Variants in PRKD1 observed in about 807,000 individuals in gnomAD.
PRKD1 encodes the protein protein kinase D1.
A neutral mutation model predicts 95.9 loss-of-function variants in PRKD1; 63 were observed. That is an observed-to-expected ratio of 0.66 (90% CI 0.54 to 0.81). PRKD1 has a LOEUF of 0.81. Ranked by LOEUF, PRKD1 falls within the 30% of genes least tolerant of loss-of-function variation. The pLI is 0.00. For missense variants in PRKD1, 1,048 were observed against 1,165.3 expected (o/e 0.90, Z 1.47); for synonymous variants, 425 against 423.1 (o/e 1.00, Z -0.05).
At chr14:29,690,479 A>C (rs993998300) in intron 2 of PRKD1, among the ~76,000 whole-genome samples, 2 of 152,220 alleles carry the variant, frequency 1.3e-5, no homozygotes, top group Non-Finnish European at 1.5e-5. Context: ...TTCAGTACCT[A>C]AAACTCCTAC....
At position 29,768,709 on chromosome 14, in the gene PRKD1, TA is replaced by T. The variant is rs558238071; in HGVS notation, c.265-43036del. Among the ~76,000 whole-genome samples, 227 of 142,204 alleles carry T rather than the reference TA, an allele frequency of 1.6e-3. 1 individual carries two copies. The highest frequency in any genetic ancestry group is 7.2e-3 in the Middle Eastern group (2 of 278). 93.3% of individuals were successfully genotyped at this position (142,204 alleles called of 152,430 possible). The stretch of plus-strand genomic sequence containing the variant: ...CTACCTCTGGTTCTTTCTCCCTGAT[TA>T]AAAAAAAAAAAACAACCAAAGCAAA... On this transcript the variant is annotated intron_variant, in intron 1 of 17. Coordinates refer to ENST00000331968, the MANE Select transcript of PRKD1 (RefSeq NM_002742.3).
In PRKD1 at chr14:29,638,835, G is replaced by A. The variant is rs1286280237; in HGVS notation, c.766C>T (p.Pro256Ser). 6.2e-7 allele frequency: 1 copy of A among 1,608,896 alleles called. No homozygotes were observed. The highest frequency in any genetic ancestry group is 8.5e-7 in the Non-Finnish European group (1 of 1,177,004). The change falls in exon 5 of 18, where the codon CCA becomes TCA. Residue 256 changes from proline to serine, a missense_variant. Around this residue, in one of 3 missense-constraint regions of PRKD1, gnomAD observed 739 missense variants for 861.9 expected, o/e 0.86. Transcript: ENST00000331968. ...ATCAAAATCTTGTCAAGGTGAATTG[G>A]TCGTCCAATGTATGATTGAGAATTT... Reference protein sequence around the residue: ...RSNSQSYIGRPIHLDKILMSK... With the variant: ...RSNSQSYIGRSIHLDKILMSK...
chr14:29,845,201 T>C (rs550975959), intron 1 of PRKD1, among the ~76,000 whole-genome samples: 28 of 152,362 alleles, frequency 1.8e-4, no homozygotes, highest in African/African-American at 6.5e-4. Context: ...GTTGAAGGTA[T>C]GTCAAGTTGT....
chr14:29,617,148 G>C (rs1435741687), intron 13 of PRKD1, among the ~76,000 whole-genome samples: 1 of 152,134 alleles, frequency 6.6e-6, no homozygotes, highest in Non-Finnish European at 1.5e-5. Flanking sequence ...TTTTATGGCT[G>C]TATAGTATTC....
chr14:29,666,314 C>T (rs1452372000), intron 2 of PRKD1, 106 bp from the exon 3 acceptor site: 2 of 1,206,670 alleles, frequency 1.7e-6, no homozygotes, highest in Non-Finnish European at 2.2e-6. Context: ...ACTCCCTAGG[C>T]AAAGTTAGGG....
intron 1 of PRKD1, among the ~76,000 whole-genome samples, chr14:29,863,659 A>G (rs1027761099): frequency 2.6e-5 from 4 of 152,176 alleles, no homozygotes; most frequent in Non-Finnish European, 5.9e-5. Flanking sequence ...AGAAAAATAA[A>G]TAAAGATATA....
At chr14:29,784,238 A>T (rs994010152) in intron 1 of PRKD1, among the ~76,000 whole-genome samples, 2 of 151,762 alleles carry the variant, frequency 1.3e-5, no homozygotes, top group Non-Finnish European at 3.0e-5. Flanking sequence ...TCCTTTCCCC[A>T]GTATATGCTC....
intron 2 of PRKD1, among the ~76,000 whole-genome samples, chr14:29,696,329 T>C (rs67922287): frequency 0.069 from 10,505 of 152,238 alleles, 922 homozygotes; most frequent in African/African-American, 0.2. Context: ...TAAAATGCTA[T>C]TTAGTATAAA....
intron 2 of PRKD1, among the ~76,000 whole-genome samples, chr14:29,677,620 G>A (rs1883307474): frequency 6.6e-6 from 1 of 152,226 alleles, no homozygotes; most frequent in Admixed American, 6.5e-5. Flanking sequence ...CTGTCACCCA[G>A]GCTGGAGTGC....
intron 1 of PRKD1, among the ~76,000 whole-genome samples, chr14:29,833,185 A>G (rs1283467480): frequency 6.6e-6 from 1 of 152,160 alleles, no homozygotes; most frequent in African/African-American, 2.4e-5. Flanking sequence ...TGGCTCCTAA[A>G]GAATGTTTAT....
At chr14:29,656,332 G>T in intron 4 of PRKD1, 1 of 881,084 alleles carries the variant, frequency 1.1e-6, no homozygotes, top group Non-Finnish European at 1.7e-6. Context: ...CTTTCTGTGG[G>T]TCAATGTGTT....
intron 13 of PRKD1, among the ~76,000 whole-genome samples, chr14:29,609,626 C>A (rs943005812): frequency 6.6e-6 from 1 of 151,744 alleles, no homozygotes; most frequent in African/African-American, 2.4e-5. Flanking sequence ...CTGCAACCTC[C>A]ACCTCCCAGG....
chr14:29,766,937 T>C (rs1460797685), intron 1 of PRKD1, among the ~76,000 whole-genome samples: 1 of 152,174 alleles, frequency 6.6e-6, no homozygotes, highest in Non-Finnish European at 1.5e-5. Flanking sequence ...AGGGACAAAT[T>C]CTACTGAAGG....
At chr14:29,622,282 G>A (rs1408731281) in intron 13 of PRKD1, among the ~76,000 whole-genome samples, 1 of 152,130 alleles carries the variant, frequency 6.6e-6, no homozygotes, top group African/African-American at 2.4e-5. Flanking sequence ...GCCACGTACA[G>A]GTACAGGTCC....
chr14:29,823,542 G>A (rs1890999271), intron 1 of PRKD1, among the ~76,000 whole-genome samples: 1 of 152,102 alleles, frequency 6.6e-6, no homozygotes, highest in Non-Finnish European at 1.5e-5. Flanking sequence ...CAGAATCATT[G>A]AATGAATACT....
In PRKD1 at chr14:29,868,567, T is replaced by C. The variant is rs45573534; in HGVS notation, c.264+58682A>G. 3.8e-3 allele frequency among the ~76,000 whole-genome samples: 577 copies of C among 152,328 alleles called. 3 individuals carry two copies. Among genetic ancestry groups the C allele is most frequent in the African/African-American group, 0.013 (520 of 41,580 alleles). On this transcript the variant is annotated intron_variant, in intron 1 of 17. Coordinates refer to ENST00000331968, the MANE Select transcript of PRKD1 (RefSeq NM_002742.3). Reference sequence around the variant, plus strand: ...GAATCTTACCTTCACTGCATTTTTTTCATTTAGTTTTCATAAACTTATATA... The same window carrying C: ...GAATCTTACCTTCACTGCATTTTTTCCATTTAGTTTTCATAAACTTATATA...
At chr14:29,918,823 C>T (rs749949689) in intron 1 of PRKD1, among the ~76,000 whole-genome samples, 13 of 152,180 alleles carry the variant, frequency 8.5e-5, no homozygotes, top group African/African-American at 1.2e-4. Flanking sequence ...TTTCACCCTA[C>T]ACTGAGCAAT....
intron 13 of PRKD1, among the ~76,000 whole-genome samples, chr14:29,606,264 C>T (rs188009394): frequency 3.3e-5 from 5 of 152,184 alleles, no homozygotes; most frequent in Admixed American, 1.3e-4. Context: ...TTGCTGGTCT[C>T]GGCCTCCCAA....
chr14:29,926,920 A>C (rs1031934102), intron 1 of PRKD1, among the ~76,000 whole-genome samples: 2 of 152,020 alleles, frequency 1.3e-5, no homozygotes, highest in Non-Finnish European at 2.9e-5. Context: ...GAAAACTGGG[A>C]AGTCTCAAGG....
Sources: allele counts gnomAD v4.1 joint callset (sites outside exome capture counted in the v4.1 genomes callset), GRCh38; gene constraint gnomAD v4.1.1; regional missense constraint gnomAD v4.1.1; transcripts MANE v1.5; gene names NCBI Gene and HGNC (gene_info 2026-07-23, HGNC 2026-07-21).